Variants in STK39 observed in about 807,000 individuals in gnomAD.
STK39 encodes the protein STE20/SPS1-related proline-alanine-rich protein kinase.
Under a neutral mutation model 77.8 loss-of-function variants are expected in STK39, and 20 were observed. The ratio of observed to expected loss-of-function variants is 0.26; its 90% CI spans 0.18 to 0.37. The LOEUF (loss-of-function observed/expected upper bound fraction) is 0.37, where lower values mean the gene tolerates loss of function less well. Ranked by LOEUF, STK39 falls within the 10% of genes least tolerant of loss-of-function variation. The probability of loss-of-function intolerance (pLI) is 1.00; values close to 1 mark genes in which losing one functional copy is unlikely to be tolerated. For missense variants in STK39, 479 were observed against 656.5 expected (o/e 0.73, Z 2.95); for synonymous variants, 246 against 234.1 (o/e 1.05, Z -0.47).
intron 12 of STK39, among the ~76,000 whole-genome samples, chr2:168,072,312 G>A (rs535285261): frequency 2.3e-4 from 35 of 152,124 alleles, no homozygotes; most frequent in Non-Finnish European, 4.3e-4. Context: ...GGTGAAAAGG[G>A]GAGCAGGATA....
intron 1 of STK39, among the ~76,000 whole-genome samples, chr2:168,190,125 T>C (rs1230027232): frequency 6.6e-6 from 1 of 152,170 alleles, no homozygotes; most frequent in African/African-American, 2.4e-5. Context: ...CCGGCCTTAT[T>C]ATTCCTAGAA....
chr2:168,147,885 TTTAGCAG>T (rs914177495), intron 5 of STK39, among the ~76,000 whole-genome samples: 32 of 152,344 alleles, frequency 2.1e-4, no homozygotes, highest in Admixed American at 9.1e-4. Context: ...AAGTCAGGGC[TTTAGCAG>T]TTAGCAGTTA....
intron 1 of STK39, among the ~76,000 whole-genome samples, chr2:168,225,070 G>T (rs1315847696): frequency 6.6e-6 from 1 of 152,128 alleles, no homozygotes; most frequent in Non-Finnish European, 1.5e-5. Flanking sequence ...CAACCCTCTA[G>T]CCATCGTTTT....
Position 168,027,509 on chromosome 2 carries a change from G to C in STK39, c.1377-10414C>G, listed in dbSNP as rs184686552. Reference sequence around the variant, plus strand: ...CACAGCCCCAAACCAATGTCAGATAGATCAGAAAGTCACACTGTTCCCTTT... The same window carrying C: ...CACAGCCCCAAACCAATGTCAGATACATCAGAAAGTCACACTGTTCCCTTT... On this transcript the variant is annotated intron_variant, in intron 14 of 17. Coordinates refer to ENST00000355999, the MANE Select transcript of STK39 (RefSeq NM_013233.3). 2.8e-3 allele frequency among the ~76,000 whole-genome samples: 420 copies of C among 152,276 alleles called. 2 individuals carry two copies. The highest frequency in any genetic ancestry group is 9.5e-3 in the African/African-American group (394 of 41,556).
intron 1 of STK39, among the ~76,000 whole-genome samples, chr2:168,208,671 G>C (rs1689804329): frequency 6.6e-6 from 1 of 152,104 alleles, no homozygotes; most frequent in Non-Finnish European, 1.5e-5. Flanking sequence ...TCTCCTTCTT[G>C]AGCACAAAAG....
At chr2:168,003,216 T>A (rs1433645919) in intron 16 of STK39, among the ~76,000 whole-genome samples, 1 of 152,172 alleles carries the variant, frequency 6.6e-6, no homozygotes. Context: ...GACCTCATGA[T>A]CCGCCTGCCT....
At chr2:168,085,606 C>T (rs1686345225) in intron 10 of STK39, among the ~76,000 whole-genome samples, 1 of 152,196 alleles carries the variant, frequency 6.6e-6, no homozygotes, top group African/African-American at 2.4e-5. Flanking sequence ...CAGGATGAAA[C>T]TTTTGGAGAG....
intron 16 of STK39, among the ~76,000 whole-genome samples, chr2:168,007,917 GC>G (rs1333654244): frequency 2.0e-5 from 3 of 152,112 alleles, no homozygotes; most frequent in Non-Finnish European, 4.4e-5. Flanking sequence ...TATAAAGTTT[GC>G]CCCTTTAAAA....
intron 16 of STK39, among the ~76,000 whole-genome samples, chr2:167,969,530 T>C (rs2105248571): frequency 6.6e-6 from 1 of 152,332 alleles, no homozygotes; most frequent in East Asian, 1.9e-4. Context: ...CCCTACACTC[T>C]TATCATCGTG....
chr2:167,968,631 T>C (rs1404627728), intron 16 of STK39, among the ~76,000 whole-genome samples: 3 of 152,170 alleles, frequency 2.0e-5, no homozygotes, highest in Non-Finnish European at 4.4e-5. Context: ...TGGTCTTGGG[T>C]TACCTGACAA....
At chr2:168,238,603 G>A (rs1380780232) in intron 1 of STK39, among the ~76,000 whole-genome samples, 1 of 152,144 alleles carries the variant, frequency 6.6e-6, no homozygotes, top group Admixed American at 6.5e-5. Context: ...AGCTAAGCCA[G>A]AGTTTATTCT....
rs1383676578 is a variant in STK39, at chr2:167,955,576, A to G, written c.1564-6T>C. On this transcript the variant is annotated splice_polypyrimidine_tract_variant and splice_region_variant and intron_variant, in intron 17 of 17. Transcript: ENST00000355999. ...GACCCATCACAGCCAGAAGCCTGAA[A>G]AGGGAAAAAGAAAGCCTCAATGCTG... 2 of 1,612,876 alleles carry G rather than the reference A, an allele frequency of 1.2e-6. No homozygotes were observed. Among genetic ancestry groups the G allele is most frequent in the African/African-American group, 2.7e-5 (2 of 74,912 alleles).
chr2:168,213,200 A>G (rs1184922036), intron 1 of STK39, among the ~76,000 whole-genome samples: 1 of 152,212 alleles, frequency 6.6e-6, no homozygotes, highest in Non-Finnish European at 1.5e-5. Context: ...CATAGCGCTG[A>G]ATTTAGAAAG....
intron 16 of STK39, among the ~76,000 whole-genome samples, chr2:167,972,708 A>C (rs1692382352): frequency 6.6e-6 from 1 of 152,204 alleles, no homozygotes; most frequent in African/African-American, 2.4e-5. Context: ...CTATAGTTGA[A>C]AGTCAGCTTA....
chr2:168,158,360 T>C (rs1164868960), intron 5 of STK39, among the ~76,000 whole-genome samples: 1 of 152,142 alleles, frequency 6.6e-6, no homozygotes, highest in Non-Finnish European at 1.5e-5. Flanking sequence ...GGTGTCATTA[T>C]TGAGCTTAAT....
chr2:168,221,384 T>C (rs888278741), intron 1 of STK39, among the ~76,000 whole-genome samples: 3 of 66,922 alleles, frequency 4.5e-5, no homozygotes, highest in African/African-American at 1.6e-4. Context: ...GTATATTCAG[T>C]TAGTGTTAGC....
chr2:167,964,837 A>G, intron 16 of STK39, 111 bp from the exon 17 acceptor site: 1 of 877,648 alleles, frequency 1.1e-6, no homozygotes, highest in Non-Finnish European at 1.8e-6. Context: ...CTGCAAAATC[A>G]TTTTTCATAA....
At chr2:167,963,063 G>C (rs1486092514) in intron 17 of STK39, among the ~76,000 whole-genome samples, 4 of 152,212 alleles carry the variant, frequency 2.6e-5, no homozygotes, top group Non-Finnish European at 5.9e-5. Flanking sequence ...TTTTGGGATT[G>C]TAGGAGGATT....
At chr2:168,045,685 C>T (rs905807868) in intron 14 of STK39, among the ~76,000 whole-genome samples, 22 of 152,130 alleles carry the variant, frequency 1.4e-4, no homozygotes, top group African/African-American at 5.1e-4. Flanking sequence ...TCCTAGGATG[C>T]TAAGCTAAAA....
Sources: allele counts gnomAD v4.1 joint callset (sites outside exome capture counted in the v4.1 genomes callset), GRCh38; gene constraint gnomAD v4.1.1; transcripts MANE v1.5; gene names NCBI Gene and HGNC (gene_info 2026-07-23, HGNC 2026-07-21).